Variants in CACNA1A observed in about 807,000 individuals in gnomAD.
CACNA1A encodes the protein voltage-dependent P/Q-type calcium channel subunit alpha-1A.
A neutral mutation model predicts 262.4 loss-of-function variants in CACNA1A; 57 were observed. The observed-to-expected ratio is 0.22, with a 90% CI of 0.18 to 0.27. The LOEUF is 0.27. CACNA1A is among the 10% of genes least tolerant of loss of function. The probability of loss-of-function intolerance (pLI) is 1.00; values close to 1 mark genes in which losing one functional copy is unlikely to be tolerated. For missense variants in CACNA1A, 2,526 were observed against 3,562.8 expected (o/e 0.71, Z 7.41); for synonymous variants, 1,431 against 1,419.3 (o/e 1.01, Z -0.18).
chr19:13,371,403 C>T, intron 4 of CACNA1A: 2 of 362,970 alleles, frequency 5.5e-6, no homozygotes, highest in Non-Finnish European at 1.0e-5. Flanking sequence ...CTATCAACTT[C>T]ATAGGGCTGT....
At chr19:13,224,569 C>T (rs950281777) in intron 38 of CACNA1A, 98 bp downstream of exon 38, 29 of 769,484 alleles carry the variant, frequency 3.8e-5, no homozygotes, top group African/African-American at 1.7e-4. Flanking sequence ...AATGAAGATC[C>T]GGGTGGTGAC....
chr19:13,341,382 T>C (rs1288938193), intron 6 of CACNA1A, among the ~76,000 whole-genome samples: 1 of 152,100 alleles, frequency 6.6e-6, no homozygotes, highest in Non-Finnish European at 1.5e-5. Flanking sequence ...AGAGAATAAA[T>C]AAATTTCTGT....
chr19:13,278,562 C>G (rs2057206904), intron 22 of CACNA1A, among the ~76,000 whole-genome samples: 1 of 152,160 alleles, frequency 6.6e-6, no homozygotes, highest in Non-Finnish European at 1.5e-5. Flanking sequence ...CCACCACACC[C>G]CCGGCCACTT....
intron 10 of CACNA1A, among the ~76,000 whole-genome samples, chr19:13,319,248 CATTG>C (rs909925577): frequency 3.2e-4 from 49 of 152,170 alleles, no homozygotes; most frequent in Non-Finnish European, 4.0e-4. Flanking sequence ...AATGGTTCTT[CATTG>C]ATTGATTCAT....
chr19:13,491,758 C>T (rs1344620703), intron 1 of CACNA1A, among the ~76,000 whole-genome samples: 1 of 152,108 alleles, frequency 6.6e-6, no homozygotes, highest in African/African-American at 2.4e-5. Context: ...ATTGCTTGAG[C>T]CCAGGCGGTT....
rs755561985 is a variant in CACNA1A, at chr19:13,228,603, G to GAT, written c.5529-1077_5529-1076insAT. ...GGCTCTGTTTTTTTAGAGAGAGAGAGAGATATATATATATATATATATGAA... is the reference window on the plus strand; with the variant it reads ...GGCTCTGTTTTTTTAGAGAGAGAGAGATAGATATATATATATATATATATGAA... On this transcript the variant is annotated intron_variant, in intron 36 of 46. Coordinates refer to ENST00000360228, the MANE Select transcript of CACNA1A (RefSeq NM_001127222.2). 1,075 of 221,050 alleles carry GAT rather than the reference G, an allele frequency of 4.9e-3. 6 individuals are homozygous for GAT. The highest frequency in any genetic ancestry group is 0.027 in the South Asian group (147 of 5,480). 13.7% of individuals were successfully genotyped at this position (221,050 alleles called of 1,614,324 possible).
chr19:13,218,749 TC>T (rs2055112195), intron 38 of CACNA1A, among the ~76,000 whole-genome samples: 1 of 152,122 alleles, frequency 6.6e-6, no homozygotes, highest in Non-Finnish European at 1.5e-5. Flanking sequence ...TGGCTAATTT[TC>T]TTTTTGGACA....
intron 3 of CACNA1A, among the ~76,000 whole-genome samples, chr19:13,442,161 T>C (rs144993839): frequency 1.2e-3 from 180 of 152,148 alleles, no homozygotes; most frequent in African/African-American, 4.0e-3. Context: ...TAGGGTCCAA[T>C]GGTTAATTTG....
intron 10 of CACNA1A, among the ~76,000 whole-genome samples, chr19:13,324,175 A>G (rs1282296151): frequency 6.6e-6 from 1 of 152,170 alleles, no homozygotes; most frequent in African/African-American, 2.4e-5. Context: ...GTGGGAGCTT[A>G]AAACTAAAAA....
intron 10 of CACNA1A, 119 bp from the exon 11 acceptor site, chr19:13,317,440 C>G (rs1020945410): frequency 6.3e-6 from 5 of 799,878 alleles, no homozygotes; most frequent in African/African-American, 1.7e-5. Context: ...CAGCAAGCCT[C>G]TGGCCTGAGG....
At chr19:13,213,750 C>T (rs1404708644) in intron 40 of CACNA1A, 1 of 130,674 alleles carries the variant, frequency 7.7e-6, no homozygotes, top group Non-Finnish European at 1.5e-5. Context: ...GTGGCTTGAT[C>T]TTGGCTTGCT....
chr19:13,239,275 C>T (rs927953710), intron 31 of CACNA1A, among the ~76,000 whole-genome samples: 1 of 152,164 alleles, frequency 6.6e-6, no homozygotes, highest in Non-Finnish European at 1.5e-5. Flanking sequence ...AGCCACATTC[C>T]CTCGCTTGCA....
chr19:13,425,648 A>G (rs186395920), intron 3 of CACNA1A, among the ~76,000 whole-genome samples: 2 of 152,342 alleles, frequency 1.3e-5, no homozygotes, highest in East Asian at 3.9e-4. Flanking sequence ...TTGTTGGTCT[A>G]AAAGTCTAAG....
At chr19:13,222,818 C>T (rs1358331202) in intron 38 of CACNA1A, among the ~76,000 whole-genome samples, 34 of 151,596 alleles carry the variant, frequency 2.2e-4, no homozygotes, top group South Asian at 8.3e-4. Context: ...CCTCAGCCTC[C>T]GGAGTAGCTG....
chr19:13,498,804 T>C (rs900021057), intron 1 of CACNA1A, among the ~76,000 whole-genome samples: 1 of 152,144 alleles, frequency 6.6e-6, no homozygotes, highest in African/African-American at 2.4e-5. Flanking sequence ...CATTCTTCTC[T>C]CTCAGGTGTT....
In CACNA1A at chr19:13,255,082, G is replaced by A; in HGVS notation, c.4755+13C>T. 2 of 1,613,614 alleles carry A rather than the reference G, an allele frequency of 1.2e-6. No individual in the cohort carries two copies. The highest frequency in any genetic ancestry group is 8.5e-7 in the Non-Finnish European group (1 of 1,179,604). ...GGGTTAAGTAGTGCTGGGGGCTGGT[G>A]TGGGGCACTTACCTTCATCATAAGC... On this transcript the variant is annotated intron_variant, in intron 29 of 46. Transcript: ENST00000360228.
In CACNA1A at chr19:13,446,704, G is replaced by A. The variant is rs547208751; in HGVS notation, c.539+6172C>T. ...ACTCCTGACTTCAAGCGATCTGCCC[G>A]CCTCTGCCTCCCAAAGTGCTGGGAT... On this transcript the variant is annotated intron_variant, in intron 3 of 46. Coordinates refer to ENST00000360228, the MANE Select transcript of CACNA1A (RefSeq NM_001127222.2). Among the ~76,000 whole-genome samples, 57 of 147,618 alleles carry A rather than the reference G, an allele frequency of 3.9e-4. No homozygotes were observed. The South Asian group carries it at 7.8e-3, about 20-fold the overall frequency.
chr19:13,227,368 AG>A, intron 37 of CACNA1A, 62 bp downstream of exon 37: 22 of 64,706 alleles, frequency 3.4e-4, no homozygotes, highest in East Asian at 2.9e-3. Flanking sequence ...CTAAAAAAAA[AG>A]AAGAAGAAGA....
chr19:13,394,575 C>T (rs1324995210), intron 3 of CACNA1A, among the ~76,000 whole-genome samples: 1 of 152,160 alleles, frequency 6.6e-6, no homozygotes, highest in East Asian at 1.9e-4. Flanking sequence ...CTTCCTGCTT[C>T]TTCTCTTGAA....
Sources: allele counts gnomAD v4.1 joint callset (sites outside exome capture counted in the v4.1 genomes callset), GRCh38; gene constraint gnomAD v4.1.1; transcripts MANE v1.5; gene names NCBI Gene and HGNC (gene_info 2026-07-23, HGNC 2026-07-21).